The following BLTP3A variants were observed in gnomAD, a reference collection of about 807,000 sequenced individuals.
BLTP3A encodes the protein ICBP90 binding protein 1.
chr6:34,834,128 T>C, the BLTP3A span: 3 of 1,355,870 alleles, frequency 2.2e-6, no homozygotes, highest in African/African-American at 1.5e-5. Flanking sequence ...TACTGTATTA[T>C]CATTATAAAA....
chr6:34,872,543 C>A, the BLTP3A span: 1 of 1,394,476 alleles, frequency 7.2e-7, no homozygotes, highest in Non-Finnish European at 9.5e-7. Flanking sequence ...ACTACGGATG[C>A]CAGAGGGACT....
chr6:34,840,383 T>G, the BLTP3A span, among the ~76,000 whole-genome samples: 1 of 131,246 alleles, frequency 7.6e-6, no homozygotes, highest in African/African-American at 3.2e-5. Context: ...TGAAACCCCG[T>G]CTCTACTTAA....
At chr6:34,806,655 G>GAT in the BLTP3A span, among the ~76,000 whole-genome samples, 1 of 152,070 alleles carries the variant, frequency 6.6e-6, no homozygotes. Flanking sequence ...CAGTAACATG[G>GAT]ATAACCTATT....
At chr6:34,857,755 T>C in the BLTP3A span, 6 of 1,614,194 alleles carry the variant, frequency 3.7e-6, no homozygotes, top group Non-Finnish European at 5.1e-6. Flanking sequence ...TTCAGTTAAA[T>C]GGTCTGACAT....
At chr6:34,855,742 C>A in the BLTP3A span, 2 of 1,611,568 alleles carry the variant, frequency 1.2e-6, no homozygotes, top group East Asian at 4.5e-5. Context: ...CTCGCATAGC[C>A]CAAAATATTG....
the BLTP3A span, among the ~76,000 whole-genome samples, chr6:34,839,271 G>A: frequency 6.6e-6 from 1 of 152,136 alleles, no homozygotes; most frequent in Admixed American, 6.6e-5. Context: ...TTAAAATACG[G>A]GAATAATTCT....
chr6:34,836,268 A>T, the BLTP3A span: 38 of 1,614,182 alleles, frequency 2.4e-5, no homozygotes, highest in Non-Finnish European at 3.0e-5. Flanking sequence ...GAGAAATTTG[A>T]TGTGAAAGAG....
At chr6:34,832,464 C>CA in the BLTP3A span, among the ~76,000 whole-genome samples, 1 of 150,154 alleles carries the variant, frequency 6.7e-6, no homozygotes, top group African/African-American at 2.5e-5. Context: ...GAGACAGGGT[C>CA]TGACTCTGTC....
the BLTP3A span, among the ~76,000 whole-genome samples, chr6:34,797,296 A>G: frequency 6.6e-6 from 1 of 152,224 alleles, no homozygotes; most frequent in East Asian, 1.9e-4. Context: ...TAGACATGAT[A>G]GATATTTTGA....
the BLTP3A span, among the ~76,000 whole-genome samples, chr6:34,796,357 A>G: frequency 6.6e-6 from 1 of 152,230 alleles, no homozygotes; most frequent in Non-Finnish European, 1.5e-5. Context: ...ATTTTCTTAA[A>G]TGCCTACCCT....
the BLTP3A span, chr6:34,835,150 A>G: frequency 1.4e-5 from 13 of 951,650 alleles, no homozygotes; most frequent in Non-Finnish European, 2.0e-5. Context: ...TAGTAGTTTT[A>G]TAAGAAATTG....
the BLTP3A span, among the ~76,000 whole-genome samples, chr6:34,865,999 T>G: frequency 1.3e-5 from 2 of 151,904 alleles, no homozygotes. Flanking sequence ...TCACTTAAGG[T>G]GAAACCTAAT....
At chr6:34,860,712 G>A in the BLTP3A span, among the ~76,000 whole-genome samples, 1 of 152,174 alleles carries the variant, frequency 6.6e-6, no homozygotes, top group Non-Finnish European at 1.5e-5. Flanking sequence ...GCTCAGAGAG[G>A]TAAGAAACTT....
chr6:34,819,108 A>G, the BLTP3A span, among the ~76,000 whole-genome samples: 1 of 151,872 alleles, frequency 6.6e-6, no homozygotes, highest in East Asian at 1.9e-4. Flanking sequence ...GCAGCAGTGA[A>G]TTACAGGAGT....
At chr6:34,848,776 CTG>C in the BLTP3A span, among the ~76,000 whole-genome samples, 1 of 151,820 alleles carries the variant, frequency 6.6e-6, no homozygotes, top group African/African-American at 2.4e-5. Flanking sequence ...TTCAGCCATT[CTG>C]TGTCTTTTGA....
the BLTP3A span, among the ~76,000 whole-genome samples, chr6:34,839,561 T>C: frequency 1.3e-5 from 2 of 152,220 alleles, no homozygotes; most frequent in Non-Finnish European, 2.9e-5. Context: ...CCAAATGTCA[T>C]GCCCAGGGTT....
chr6:34,792,246 C>G, the BLTP3A span: 1 of 1,537,218 alleles, frequency 6.5e-7, no homozygotes, highest in Non-Finnish European at 8.8e-7. Context: ...GGCCGCGGCT[C>G]CGGCATGGCC....
the BLTP3A span, among the ~76,000 whole-genome samples, chr6:34,868,861 A>C: frequency 6.6e-6 from 1 of 151,994 alleles, no homozygotes; most frequent in Non-Finnish European, 1.5e-5. Context: ...ACTGCACTCC[A>C]GCCTGGGCAA....
the BLTP3A span, among the ~76,000 whole-genome samples, chr6:34,824,534 G>A: frequency 7.0e-6 from 1 of 143,808 alleles, no homozygotes; most frequent in African/African-American, 2.6e-5. Context: ...CTCCAGCTTG[G>A]GCAACAAGAA....
Sources: gnomAD v4.1 joint callset for allele counts (sites outside exome capture counted in the v4.1 genomes callset) on GRCh38, gnomAD v4.1.1 for gene constraint, MANE v1.5 for transcripts, NCBI Gene and HGNC (gene_info 2026-07-23, HGNC 2026-07-21) for gene names.